The following EEFSEC variants were observed in gnomAD, a reference collection of about 807,000 sequenced individuals.
EEFSEC encodes the protein selenocysteine-specific elongation factor.
A neutral mutation model predicts 42.1 loss-of-function variants in EEFSEC; 43 were observed. That is an observed-to-expected ratio of 1.02 (90% confidence interval 0.80 to 1.32). EEFSEC has a LOEUF of 1.32. EEFSEC is among the 40% of genes most tolerant of loss of function. The probability of loss-of-function intolerance (pLI) is 0.00; values close to 1 mark genes in which losing one functional copy is unlikely to be tolerated. For synonymous variants in EEFSEC, 354 were observed against 339.1 expected (o/e 1.04, Z -0.48); for missense variants, 745 against 803.6 (o/e 0.93, Z 0.88).
intron 1 of EEFSEC, among the ~76,000 whole-genome samples, chr3:128,213,366 G>T (rs977690605): frequency 2.6e-5 from 4 of 152,242 alleles, no homozygotes; most frequent in South Asian, 2.1e-4. Context: ...AGTAGAAAAT[G>T]CAGTCTAGCT....
chr3:128,373,590 C>T (rs1253561251), intron 6 of EEFSEC, among the ~76,000 whole-genome samples: 1 of 152,174 alleles, frequency 6.6e-6, no homozygotes, highest in Non-Finnish European at 1.5e-5. Flanking sequence ...AGCTGGGGCT[C>T]CTGTGACCTG....
the EEFSEC span, among the ~76,000 whole-genome samples, chr3:128,424,163 C>T: frequency 6.6e-6 from 1 of 152,192 alleles, no homozygotes; most frequent in Non-Finnish European, 1.5e-5. Context: ...GCAGGAAGCA[C>T]CCACCAGCCT....
At chr3:128,181,339 C>T (rs2065402935) in intron 1 of EEFSEC, among the ~76,000 whole-genome samples, 1 of 152,220 alleles carries the variant, frequency 6.6e-6, no homozygotes, top group South Asian at 2.1e-4. Flanking sequence ...TGTTTGTTTA[C>T]TGTCCTCCCA....
At chr3:128,403,305 G>A (rs977217404) in intron 6 of EEFSEC, among the ~76,000 whole-genome samples, 10 of 152,294 alleles carry the variant, frequency 6.6e-5, no homozygotes, top group African/African-American at 2.4e-4. Context: ...GAAGGGCAGC[G>A]AGGAGGCTGA....
intron 1 of EEFSEC, among the ~76,000 whole-genome samples, chr3:128,160,379 C>T (rs370464056): frequency 1.3e-5 from 2 of 152,168 alleles, no homozygotes; most frequent in Non-Finnish European, 2.9e-5. Context: ...GGCTGGAAAT[C>T]GGCGTGGTGT....
At chr3:128,174,542 A>G (rs2065329408) in intron 1 of EEFSEC, among the ~76,000 whole-genome samples, 1 of 152,216 alleles carries the variant, frequency 6.6e-6, no homozygotes, top group African/African-American at 2.4e-5. Context: ...AGAGTGGAGA[A>G]GCTGCAGCAC....
intron 2 of EEFSEC, among the ~76,000 whole-genome samples, chr3:128,256,223 T>C (rs115712758): frequency 0.015 from 2,228 of 152,328 alleles, 38 homozygotes; most frequent in African/African-American, 0.051. Flanking sequence ...CCAGGCTCAG[T>C]GCCTTCAGCA....
intron 4 of EEFSEC, among the ~76,000 whole-genome samples, chr3:128,302,482 G>A (rs952974292): frequency 2.6e-5 from 4 of 152,116 alleles, no homozygotes; most frequent in African/African-American, 9.7e-5. Flanking sequence ...CAGTCATAAA[G>A]TGTAAGAAAT....
At chr3:128,247,183 A>C in intron 2 of EEFSEC, 140 bp downstream of exon 2, 1 of 867,814 alleles carries the variant, frequency 1.2e-6, no homozygotes, top group Admixed American at 2.6e-5. Flanking sequence ...GCATTTGCTC[A>C]CATAAGGGCT....
rs73861033 is a variant in EEFSEC at position 128,232,268 on chromosome 3, C to T, written c.317-14568C>T. Reference sequence around the variant, plus strand: ...ACAATATTTCCTGAAACAGGAGATACGAACCTCAAAGAATTTAAAATAAAA... The same window carrying T: ...ACAATATTTCCTGAAACAGGAGATATGAACCTCAAAGAATTTAAAATAAAA... On this transcript the variant is annotated intron_variant, in intron 1 of 6. Transcript: ENST00000254730. Among the ~76,000 whole-genome samples the T allele has an allele frequency of 4.8e-3, 728 of 151,842 alleles. 8 individuals are homozygous for T. The highest frequency in any genetic ancestry group is 0.017 in the African/African-American group (702 of 41,372).
chr3:128,201,999 C>T (rs1473174219), intron 1 of EEFSEC, among the ~76,000 whole-genome samples: 1 of 152,106 alleles, frequency 6.6e-6, no homozygotes, highest in African/African-American at 2.4e-5. Flanking sequence ...AATCACATAA[C>T]CATTTAAGTG....
At chr3:128,322,901 G>T (rs1171737794) in intron 4 of EEFSEC, among the ~76,000 whole-genome samples, 2 of 152,186 alleles carry the variant, frequency 1.3e-5, no homozygotes, top group Admixed American at 1.3e-4. Context: ...CTGTCACTTT[G>T]TTAGGAAGTA....
chr3:128,270,929 T>C (rs1024116017), intron 4 of EEFSEC, among the ~76,000 whole-genome samples: 2 of 152,150 alleles, frequency 1.3e-5, no homozygotes, highest in African/African-American at 4.8e-5. Flanking sequence ...CTGGTCTCCC[T>C]GGGGGCAGAA....
intron 1 of EEFSEC, among the ~76,000 whole-genome samples, chr3:128,198,439 TAAAAC>T (rs1434973588): frequency 6.6e-6 from 1 of 152,130 alleles, no homozygotes; most frequent in Non-Finnish European, 1.5e-5. Flanking sequence ...CCAACCCCCT[TAAAAC>T]ACAACCAGAA....
chr3:128,420,346 T>A, the EEFSEC span, among the ~76,000 whole-genome samples: 2 of 152,242 alleles, frequency 1.3e-5, no homozygotes, highest in South Asian at 4.1e-4. Context: ...ATTTCCTTCC[T>A]CACTGCACAT....
At chr3:128,399,842 A>G (rs969346333) in intron 6 of EEFSEC, among the ~76,000 whole-genome samples, 24 of 151,910 alleles carry the variant, frequency 1.6e-4, no homozygotes, top group African/African-American at 5.8e-4. Flanking sequence ...CTAAACCCTC[A>G]TCGCCTCTGC....
At chr3:128,327,837 G>A (rs1237204344) in intron 4 of EEFSEC, among the ~76,000 whole-genome samples, 1 of 152,164 alleles carries the variant, frequency 6.6e-6, no homozygotes, top group Non-Finnish European at 1.5e-5. Flanking sequence ...TGGAGGAGGG[G>A]GCGGCTGCTA....
At chr3:128,373,300 C>A (rs1276675343) in intron 6 of EEFSEC, among the ~76,000 whole-genome samples, 2 of 152,232 alleles carry the variant, frequency 1.3e-5, no homozygotes, top group Non-Finnish European at 2.9e-5. Context: ...GAGAACCTGG[C>A]ACCCATTGTG....
chr3:128,225,895 C>T (rs767474008), intron 1 of EEFSEC, among the ~76,000 whole-genome samples: 1 of 152,220 alleles, frequency 6.6e-6, no homozygotes, highest in Non-Finnish European at 1.5e-5. Context: ...TTTCATGCTG[C>T]TTTACAGACC....
Sources: gnomAD v4.1 joint callset for allele counts (sites outside exome capture counted in the v4.1 genomes callset) on GRCh38, gnomAD v4.1.1 for gene constraint, MANE v1.5 for transcripts, NCBI Gene and HGNC (gene_info 2026-07-23, HGNC 2026-07-21) for gene names.